The following HSD17B14 variants were observed in gnomAD, a reference collection of about 807,000 sequenced individuals.
HSD17B14 encodes L-fucose dehydrogenase.
Under a neutral mutation model 32.2 loss-of-function variants are expected in HSD17B14, and 32 were observed. The observed-to-expected ratio is 0.99, with a 90% CI of 0.75 to 1.33. HSD17B14 has a LOEUF of 1.33. Ranked by LOEUF, HSD17B14 falls within the 40% of genes most tolerant of loss-of-function variation. The probability of loss-of-function intolerance (pLI) is 0.00; values close to 1 mark genes in which losing one functional copy is unlikely to be tolerated. For missense variants in HSD17B14, 370 were observed against 366.5 expected, an observed-to-expected ratio of 1.01 and a Z score of -0.08; for synonymous variants, 140 against 155.4, an observed-to-expected ratio of 0.90 and a Z score of 0.74.
intron 5 of HSD17B14, among the ~76,000 whole-genome samples, chr19:48,821,011 AGATTT>A (rs1400029219): frequency 8.2e-6 from 1 of 122,460 alleles, no homozygotes; most frequent in African/African-American, 3.3e-5. Context: ...CAGGATGGAT[AGATTT>A]TTTTTTTTTT....
intron 5 of HSD17B14, among the ~76,000 whole-genome samples, chr19:48,826,918 C>T (rs570148488): frequency 6.6e-6 from 1 of 152,178 alleles, no homozygotes; most frequent in African/African-American, 2.4e-5. Context: ...CCATTCCCAC[C>T]AGGACGTCCA....
intron 5 of HSD17B14, among the ~76,000 whole-genome samples, chr19:48,816,783 C>CTTTCTTTCTTTCTTTCTT (rs1555775890): frequency 4.1e-5 from 4 of 98,410 alleles, no homozygotes; most frequent in Non-Finnish European, 7.9e-5. Context: ...GACCCTTTTT[C>CTTTCTTTCTTTCTTTCTT]TTTCTTTCTT....
chr19:48,821,891 GTAA>G (rs2035156156), intron 5 of HSD17B14, among the ~76,000 whole-genome samples: 1 of 151,504 alleles, frequency 6.6e-6, no homozygotes, highest in Non-Finnish European at 1.5e-5. Flanking sequence ...GGTGATTTTG[GTAA>G]TGATGATGGT....
rs140572941 is a variant in HSD17B14 at position 48,831,767 on chromosome 19, G to T, written c.278-8C>A. The T allele has an allele frequency of 3.2e-6, 5 of 1,570,980 alleles. No homozygotes were observed. The highest frequency in any genetic ancestry group is 3.4e-5 in the Admixed American group (2 of 59,020). On this transcript the variant is annotated splice_polypyrimidine_tract_variant and splice_region_variant and intron_variant, in intron 4 of 8. Coordinates refer to ENST00000263278, the MANE Select transcript of HSD17B14 (RefSeq NM_016246.3). Reference sequence around the variant, plus strand: ...GCCTCTGTGGGGGTGGGTCTAAAGTGGGGGGTGAGAGAGAGAGGAAAAGTG... The same window carrying T: ...GCCTCTGTGGGGGTGGGTCTAAAGTTGGGGGTGAGAGAGAGAGGAAAAGTG...
In HSD17B14 at chr19:48,832,741, A is replaced by T. The variant is rs762326427; in HGVS notation, c.211-9T>A. 6.2e-7 allele frequency: 1 copy of T among 1,608,592 alleles called. No individual in the cohort carries two copies. The highest frequency in any genetic ancestry group is 2.2e-5 in the East Asian group (1 of 44,774). ...GTCTCAGAAACCAGGGTCTGAGGAG[A>T]AAGGAAATGTCCTTTGTTTTTTTTT... On this transcript the variant is annotated splice_polypyrimidine_tract_variant and intron_variant, in intron 3 of 8. Coordinates refer to ENST00000263278, the MANE Select transcript of HSD17B14 (RefSeq NM_016246.3).
rs1265508657 is a variant in HSD17B14, at chr19:48,832,694, C to T, written c.249G>A (p.Leu83=). Residue 83 remains leucine, a synonymous_variant, in exon 4 of 9, where the codon CTG becomes CTA. Transcript: ENST00000263278. The part of the protein sequence containing the change: ...VSETIRRFGR[L]DCVVNNAGHH... Reference sequence around the variant, plus strand: ...GGCCAGCGTTGTTGACAACACAATCCAGGCGGCCAAATCGGCGGATGGTCT... The same window carrying T: ...GGCCAGCGTTGTTGACAACACAATCTAGGCGGCCAAATCGGCGGATGGTCT... 1.2e-6 allele frequency: 2 copies of T among 1,613,204 alleles called. No homozygotes were observed. The highest frequency in any genetic ancestry group is 2.2e-5 in the South Asian group (2 of 90,830).
chr19:48,826,713 C>T (rs978958776), intron 5 of HSD17B14, among the ~76,000 whole-genome samples: 2 of 151,406 alleles, frequency 1.3e-5, no homozygotes, highest in Non-Finnish European at 2.9e-5. Flanking sequence ...GATTGCCCAA[C>T]CTCCCGGGAA....
At chr19:48,814,995 G>C in intron 6 of HSD17B14, 42 bp downstream of exon 6, 1 of 1,489,032 alleles carries the variant, frequency 6.7e-7, no homozygotes. Context: ...AAGGCCCATG[G>C]GAAGGAGTAG....
intron 3 of HSD17B14, among the ~76,000 whole-genome samples, chr19:48,833,759 G>A (rs1353227401): frequency 6.6e-6 from 1 of 151,946 alleles, no homozygotes; most frequent in Non-Finnish European, 1.5e-5. Flanking sequence ...CTGGGAGGCA[G>A]AGGTTGCGGT....
rs1386479547 is a variant in HSD17B14 at position 48,831,720 on chromosome 19, C to G, written c.317G>C (p.Gly106Ala). Residue 106 changes from glycine (G) to alanine (A), a missense_variant, in exon 5 of 9, where the codon GGA (glycine) becomes GCA (alanine). By Grantham distance (60) the Gly-to-Ala change is moderately conservative. Transcript: ENST00000263278. ...PQRPEETSAQ[G>A]FRQLLELNLL... ...GTTCAGCTCCAGCAGCTGGCGGAAT[C>G]CCTGGGCAGAGGTCTCCTCAGGCCT... is the stretch of plus-strand genomic sequence containing the variant. The G allele has an allele frequency of 1.2e-6, 2 of 1,613,668 alleles. No homozygotes were observed. Among genetic ancestry groups the G allele is most frequent in the Admixed American group, 1.7e-5 (1 of 59,958 alleles).
At chr19:48,830,816 C>A (rs913789522) in intron 5 of HSD17B14, among the ~76,000 whole-genome samples, 5 of 142,210 alleles carry the variant, frequency 3.5e-5, no homozygotes, top group Non-Finnish European at 1.5e-5. Flanking sequence ...AGCTACTGGA[C>A]CTGGCCTATT....
rs1202535406 is a variant in HSD17B14 at position 48,836,375 on chromosome 19, C to A, written c.37G>T (p.Val13Phe). ...ATGCCGCGCCCGCCCCCGGTCACGA[C>A]CACCACCTTCCCGGCATAGCGCGTT... ...TGTRYAGKVV[V>F]VTGGGRGIGA... The change falls in exon 1 of 9, where the codon GTC becomes TTC. Residue 13 changes from valine to phenylalanine, a missense_variant. By Grantham distance (50) the Val-to-Phe change is conservative (BLOSUM62 -1). Coordinates refer to ENST00000263278, the MANE Select transcript of HSD17B14 (RefSeq NM_016246.3). 6.8e-6 allele frequency: 11 copies of A among 1,613,828 alleles called. No individual in the cohort carries two copies. Among genetic ancestry groups the A allele is most frequent in the South Asian group, 1.1e-5 (1 of 91,080 alleles).
intron 5 of HSD17B14, among the ~76,000 whole-genome samples, chr19:48,825,897 T>G (rs1248594478): frequency 2.0e-5 from 3 of 151,926 alleles, no homozygotes; most frequent in African/African-American, 7.3e-5. Flanking sequence ...CTCGGCTCAC[T>G]GCAAGCTCCG....
chr19:48,832,776 G>C (rs372759566), intron 3 of HSD17B14, 44 bp from the exon 4 acceptor site: 5 of 1,464,896 alleles, frequency 3.4e-6, no homozygotes, highest in Non-Finnish European at 4.7e-6. Flanking sequence ...TTTTGGAGAC[G>C]GTGTCTCCCT....
rs2035513434 is a variant in HSD17B14 at position 48,836,308 on chromosome 19, G to A, written c.88+16C>T. 1 of 1,612,020 alleles carries A rather than the reference G, an allele frequency of 6.2e-7. No individual in the cohort carries two copies. ...TTCTCACACTCCACAGCTCCCAGCA[G>A]TCAGACCCGGCTCACCGAAGGCGCG... On this transcript the variant is annotated intron_variant, in intron 1 of 8. Transcript: ENST00000263278.
rs972424960 is a variant in HSD17B14, at chr19:48,834,274, A to G, written c.210+2T>C. On this transcript the variant is annotated splice_donor_variant, in intron 3 of 8. Transcript: ENST00000263278. LOFTEE classifies it high-confidence loss of function. ...GGGGGTAGGAACAGGAACTCGGCTT[A>G]CCTTCACATCATCTTCCTGAGTCAC... is the stretch of plus-strand genomic sequence containing the variant. 6.2e-7 allele frequency: 1 copy of G among 1,613,228 alleles called. No homozygotes were observed. The highest frequency in any genetic ancestry group is 1.7e-5 in the Admixed American group (1 of 59,968).
intron 5 of HSD17B14, among the ~76,000 whole-genome samples, chr19:48,821,339 A>T (rs1311245111): frequency 6.6e-6 from 1 of 152,182 alleles, no homozygotes; most frequent in Non-Finnish European, 1.5e-5. Flanking sequence ...TTTAAGGAAC[A>T]ATCCAGCTCT....
intron 1 of HSD17B14, 38 bp from the exon 2 acceptor site, chr19:48,835,881 T>C: frequency 3.1e-6 from 5 of 1,607,726 alleles, no homozygotes; most frequent in Non-Finnish European, 4.3e-6. Flanking sequence ...CTCCGAGCCT[T>C]GGTTAAAGCC....
intron 5 of HSD17B14, among the ~76,000 whole-genome samples, chr19:48,821,777 A>G (rs925465361): frequency 1.5e-4 from 23 of 149,574 alleles, no homozygotes; most frequent in African/African-American, 5.2e-4. Flanking sequence ...GATAAGGATG[A>G]CGGTGAAGAT....
Sources: gnomAD v4.1 joint callset for allele counts (sites outside exome capture counted in the v4.1 genomes callset) on GRCh38, gnomAD v4.1.1 for gene constraint, MANE v1.5 for transcripts, NCBI Gene and HGNC (gene_info 2026-07-23, HGNC 2026-07-21) for gene names.